AGPAT3: variants seen among roughly 807,000 people sequenced by gnomAD.
AGPAT3 encodes 1-acyl-sn-glycerol-3-phosphate acyltransferase gamma.
Under a neutral mutation model 47.3 loss-of-function variants are expected in AGPAT3, and 5 were observed. The ratio of observed to expected loss-of-function variants is 0.11; its 90% CI spans 0.06 to 0.22. The LOEUF is 0.22. Among genes scored for constraint, AGPAT3 ranks in the 10% least tolerant of loss-of-function variants. AGPAT3 has a pLI of 1.00. For synonymous variants in AGPAT3, 212 were observed against 208.3 expected, an observed-to-expected ratio of 1.02 and a Z score of -0.15; for missense variants, 315 against 493.0, an observed-to-expected ratio of 0.64 and a Z score of 3.42.
chr21:43,916,378 G>A (rs1430833732), intron 2 of AGPAT3: 2 of 152,182 alleles, frequency 1.3e-5, no homozygotes, highest in East Asian at 1.9e-4. Context: ...GGTTTCTGTA[G>A]CATCCCCAGA....
intron 2 of AGPAT3, among the ~76,000 whole-genome samples, chr21:43,911,979 C>G (rs2086640727): frequency 6.6e-6 from 1 of 152,216 alleles, no homozygotes; most frequent in South Asian, 2.1e-4. Flanking sequence ...CAGGCTGGGC[C>G]CCAGCGCATC....
At chr21:43,878,222 C>T (rs752692456) in intron 1 of AGPAT3, among the ~76,000 whole-genome samples, 7 of 152,258 alleles carry the variant, frequency 4.6e-5, no homozygotes, top group Non-Finnish European at 7.3e-5. Context: ...GGACTTTAGC[C>T]TGCCTGGAAC....
At chr21:43,968,616 G>A (rs1453056070) in intron 4 of AGPAT3, among the ~76,000 whole-genome samples, 1 of 151,978 alleles carries the variant, frequency 6.6e-6, no homozygotes, top group Non-Finnish European at 1.5e-5. Flanking sequence ...TTTGAGCTCG[G>A]CAGTGGTGCC....
At chr21:43,965,547 C>T (rs1265166590) in intron 3 of AGPAT3, 1 of 152,266 alleles carries the variant, frequency 6.6e-6, no homozygotes, top group Non-Finnish European at 1.5e-5. Context: ...AATCAATGCG[C>T]ACAGCAGGTA....
At chr21:43,980,740 T>A (rs958780199) in intron 8 of AGPAT3, among the ~76,000 whole-genome samples, 2 of 152,180 alleles carry the variant, frequency 1.3e-5, no homozygotes, top group Non-Finnish European at 2.9e-5. Context: ...CTTGACCGAT[T>A]ATTTTCCTGG....
chr21:43,880,396 G>A lies in AGPAT3; in HGVS notation c.-112+15051G>A, dbSNP rs542957088. On this transcript the variant is annotated intron_variant, in intron 1 of 9. Coordinates refer to ENST00000291572, the MANE Select transcript of AGPAT3 (RefSeq NM_020132.5). This position sits in a 1 kb window ranked among gnomAD's most constrained non-coding sequence, Gnocchi z 4.5. ...CAGCCTGTTCTTGTCTTGTTCTGGT[G>A]CCACTTCCTCAGGTATGCGAGGGCT... Among the ~76,000 whole-genome samples the A allele has an allele frequency of 6.6e-6, 1 of 152,350 alleles. No homozygotes were observed. Among genetic ancestry groups the A allele is most frequent in the Admixed American group, 6.5e-5 (1 of 15,302 alleles).
intron 2 of AGPAT3, among the ~76,000 whole-genome samples, chr21:43,919,280 C>G (rs2086835094): frequency 6.6e-6 from 1 of 151,702 alleles, no homozygotes; most frequent in African/African-American, 2.4e-5. Context: ...CAGTGGTACA[C>G]TGGACCCAAT....
rs1389589999 is a variant in AGPAT3, at chr21:43,930,981, G to A, written c.-49+26962G>A. Among the ~76,000 whole-genome samples, 2 of 152,180 alleles carry A rather than the reference G, an allele frequency of 1.3e-5. No individual in the cohort carries two copies. Among genetic ancestry groups the A allele is most frequent in the East Asian group, 3.9e-4 (2 of 5,184 alleles). On this transcript the variant is annotated intron_variant, in intron 2 of 9. Transcript: ENST00000291572. The surrounding 1 kb of genome is among the most constrained non-coding windows in gnomAD (Gnocchi z 5.0). ...GGGCAGGGGCTGTGGGGGCTCTAGA[G>A]TGGGGGTGAACGCACGTCTGAGGCT... is the stretch of plus-strand genomic sequence containing the variant.
intron 1 of AGPAT3, among the ~76,000 whole-genome samples, chr21:43,895,100 A>ATTAT (rs1253398778): frequency 2.0e-5 from 3 of 150,212 alleles, no homozygotes; most frequent in Admixed American, 6.6e-5. Context: ...ATTTTATTTT[A>ATTAT]TTATTTATTT....
intron 7 of AGPAT3, among the ~76,000 whole-genome samples, chr21:43,975,367 CAT>C (rs2089573870): frequency 6.9e-6 from 1 of 145,870 alleles, no homozygotes; most frequent in Non-Finnish European, 1.5e-5. Flanking sequence ...ATGTGTGTGG[CAT>C]GTGCTGGCAT....
At chr21:43,977,935 A>C in intron 7 of AGPAT3, 111 bp from the exon 8 acceptor site, 1 of 697,534 alleles carries the variant, frequency 1.4e-6, no homozygotes, top group South Asian at 1.8e-5. Flanking sequence ...ATGTGACAGA[A>C]GGAGTGGGGC....
chr21:43,888,029 C>T (rs919384893), intron 1 of AGPAT3, among the ~76,000 whole-genome samples: 2 of 152,156 alleles, frequency 1.3e-5, no homozygotes, highest in African/African-American at 2.4e-5. Flanking sequence ...GAGAAAACAT[C>T]GTGTTTTAGT....
chr21:43,958,639 TTGTGG>T (rs200200025), intron 2 of AGPAT3, among the ~76,000 whole-genome samples: 8,676 of 147,586 alleles, frequency 0.059, 747 homozygotes, highest in African/African-American at 0.18. Flanking sequence ...TGTATGTGGT[TTGTGG>T]TGTGGTGTGG....
intron 2 of AGPAT3, among the ~76,000 whole-genome samples, chr21:43,921,381 A>G (rs1449276460): frequency 6.6e-6 from 1 of 152,066 alleles, no homozygotes; most frequent in African/African-American, 2.4e-5. Context: ...CTAGCAAATG[A>G]TCAAACTCAA....
rs1297956945 is a variant in AGPAT3, at chr21:43,983,032, C to T, written c.*640C>T. ...CCCACCTCACTTTCTAGAGCCCTGT[C>T]TGTCCTAGCTCCTATCTGACCTTGT... On this transcript the variant is annotated 3_prime_UTR_variant, in exon 10 of 10. Transcript: ENST00000291572. 6.6e-6 allele frequency: 1 copy of T among 152,544 alleles called. No individual in the cohort carries two copies. The highest frequency in any genetic ancestry group is 1.5e-5 in the Non-Finnish European group (1 of 68,288). 9.4% of individuals were successfully genotyped at this position (152,544 alleles called of 1,614,324 possible).
At chr21:43,967,739 G>C (rs2089200254) in intron 3 of AGPAT3, 4 of 558,114 alleles carry the variant, frequency 7.2e-6, no homozygotes, top group African/African-American at 5.7e-5. Flanking sequence ...CCTTTCTGCT[G>C]CTACCTTCCA....
intron 1 of AGPAT3, among the ~76,000 whole-genome samples, chr21:43,875,015 C>CA (rs1751275370): frequency 6.6e-6 from 1 of 152,188 alleles, no homozygotes; most frequent in African/African-American, 2.4e-5. Flanking sequence ...GAGTCTCACT[C>CA]AGTCGCCCAA....
intron 2 of AGPAT3, chr21:43,948,258 T>C (rs182937018): frequency 5.6e-4 from 86 of 152,286 alleles, no homozygotes; most frequent in Middle Eastern, 6.7e-3. Flanking sequence ...ACGCCTATGG[T>C]TTCACGCTCC....
intron 2 of AGPAT3, among the ~76,000 whole-genome samples, chr21:43,910,567 C>T (rs538402688): frequency 2.0e-5 from 3 of 152,232 alleles, no homozygotes; most frequent in East Asian, 3.9e-4. Flanking sequence ...AGCGGAGGGC[C>T]GAGGAGGGCC....
Sources: allele counts gnomAD v4.1 joint callset (sites outside exome capture counted in the v4.1 genomes callset), GRCh38; gene constraint gnomAD v4.1.1; non-coding constraint Gnocchi (gnomAD v3.1); transcripts MANE v1.5; gene names NCBI Gene and HGNC (gene_info 2026-07-23, HGNC 2026-07-21).